Variants in MCC observed in about 807,000 individuals in gnomAD.
MCC encodes the protein MCC regulator of Wnt signaling pathway.
MCC carries 90 observed loss-of-function variants against 116.2 expected under a neutral mutation model. The observed-to-expected ratio is 0.77, with a 90% CI of 0.65 to 0.92. The LOEUF is 0.92. MCC is among the 40% of genes least tolerant of loss of function. The pLI is 0.00. For synonymous variants in MCC, 578 were observed against 510.5 expected, an observed-to-expected ratio of 1.13 and a Z score of -1.78; for missense variants, 1,516 against 1,312.2, an observed-to-expected ratio of 1.16 and a Z score of -2.40.
At chr5:113,318,118 T>A (rs1417432624) in intron 3 of MCC, among the ~76,000 whole-genome samples, 1 of 152,184 alleles carries the variant, frequency 6.6e-6, no homozygotes, top group African/African-American at 2.4e-5. Context: ...TATAACTAAG[T>A]CTTGAAGAGT....
rs371621609 is a variant in MCC at position 113,434,276 on chromosome 5, C to T, written c.171-49064G>A. 1 of 1,614,044 alleles carries T rather than the reference C, an allele frequency of 6.2e-7. No individual in the cohort carries two copies. The highest frequency in any genetic ancestry group is 1.3e-5 in the African/African-American group (1 of 74,908). On this transcript the variant is annotated intron_variant, in intron 1 of 18. Transcript: ENST00000408903. The surrounding 1 kb of genome is among the most constrained non-coding windows in gnomAD (Gnocchi z 4.2). ...ACACCTTGGGCTGGTAGGGAATGCC[C>T]TGCAGCACCTCTGGGGCCGCATACG...
chr5:113,059,976 A>T (rs1159345651), intron 14 of MCC, among the ~76,000 whole-genome samples: 1 of 152,182 alleles, frequency 6.6e-6, no homozygotes, highest in Non-Finnish European at 1.5e-5. Flanking sequence ...CAGCCTGCTC[A>T]TTAGAAGAAA....
intron 3 of MCC, among the ~76,000 whole-genome samples, chr5:113,273,635 T>C (rs1256657760): frequency 6.6e-6 from 1 of 152,132 alleles, no homozygotes; most frequent in African/African-American, 2.4e-5. Context: ...AGAGACTAAA[T>C]GCAATACAAC....
At chr5:113,472,301 T>C (rs1772116779) in intron 1 of MCC, among the ~76,000 whole-genome samples, 1 of 152,186 alleles carries the variant, frequency 6.6e-6, no homozygotes, top group South Asian at 2.1e-4. Flanking sequence ...GGCCATCTTC[T>C]GTGTGGCCAT....
At chr5:113,197,042 C>T (rs1234088830) in intron 3 of MCC, among the ~76,000 whole-genome samples, 1 of 152,164 alleles carries the variant, frequency 6.6e-6, no homozygotes, top group East Asian at 1.9e-4. Flanking sequence ...AAGATGTATA[C>T]ATGGAAATCT....
chr5:113,233,606 T>C (rs1764018866), intron 3 of MCC, among the ~76,000 whole-genome samples: 2 of 152,198 alleles, frequency 1.3e-5, no homozygotes, highest in South Asian at 4.1e-4. Context: ...TGATACTAAC[T>C]GGCACATATG....
chr5:113,467,108 CA>C (rs1247391344), intron 1 of MCC, among the ~76,000 whole-genome samples: 1 of 150,470 alleles, frequency 6.6e-6, no homozygotes, highest in Admixed American at 6.6e-5. Context: ...GAGTAGGTTG[CA>C]AAAATTTTCT....
intron 2 of MCC, among the ~76,000 whole-genome samples, chr5:113,357,054 G>T (rs1313940576): frequency 2.6e-5 from 4 of 152,138 alleles, no homozygotes; most frequent in Non-Finnish European, 5.9e-5. Context: ...TTAGTATCAG[G>T]TTTAAAGACA....
At chr5:113,088,160 C>A (rs1197745907) in intron 8 of MCC, among the ~76,000 whole-genome samples, 1 of 151,994 alleles carries the variant, frequency 6.6e-6, no homozygotes, top group African/African-American at 2.4e-5. Flanking sequence ...TAGTTGCTAG[C>A]CAGTGGAAAC....
intron 10 of MCC, among the ~76,000 whole-genome samples, chr5:113,083,725 A>G (rs1168396605): frequency 6.6e-6 from 1 of 152,188 alleles, no homozygotes; most frequent in Non-Finnish European, 1.5e-5. Context: ...TGGAAAGCAC[A>G]TCCCCTTTCA....
chr5:113,140,266 G>T (rs1393572884), intron 5 of MCC, among the ~76,000 whole-genome samples: 1 of 152,158 alleles, frequency 6.6e-6, no homozygotes, highest in Non-Finnish European at 1.5e-5. Flanking sequence ...GGATGAAATA[G>T]TTACAGAGTC....
At chr5:113,030,281 G>A (rs1750863773) in intron 17 of MCC, among the ~76,000 whole-genome samples, 1 of 152,140 alleles carries the variant, frequency 6.6e-6, no homozygotes, top group Non-Finnish European at 1.5e-5. Flanking sequence ...GATTCACTTA[G>A]GCATTGGTTA....
At chr5:113,432,348 A>AG (rs1770684099) in intron 1 of MCC, among the ~76,000 whole-genome samples, 1 of 151,154 alleles carries the variant, frequency 6.6e-6, no homozygotes, top group Non-Finnish European at 1.5e-5. Flanking sequence ...AAAAAAGAAA[A>AG]GAAAAAAAAA....
intron 3 of MCC, among the ~76,000 whole-genome samples, chr5:113,240,890 G>C (rs1396093296): frequency 6.6e-6 from 1 of 152,140 alleles, no homozygotes; most frequent in African/African-American, 2.4e-5. Flanking sequence ...CTGGGTACTA[G>C]GCGAGGAAGT....
At chr5:113,338,903 T>C (rs1767935423) in intron 3 of MCC, among the ~76,000 whole-genome samples, 1 of 152,232 alleles carries the variant, frequency 6.6e-6, no homozygotes, top group South Asian at 2.1e-4. Flanking sequence ...TTACAGATTT[T>C]ATGAGACATT....
At chr5:113,106,072 A>T (rs186816746) in intron 6 of MCC, among the ~76,000 whole-genome samples, 1 of 152,244 alleles carries the variant, frequency 6.6e-6, no homozygotes, top group East Asian at 1.9e-4. Context: ...AGTGAGAACC[A>T]CTGATCTGAT....
chr5:113,183,719 G>C (rs113933085), intron 3 of MCC, among the ~76,000 whole-genome samples: 1,997 of 152,252 alleles, frequency 0.013, 27 homozygotes, highest in Middle Eastern at 0.037. Flanking sequence ...AGAGCACCAG[G>C]GGCAAATGGG....
intron 5 of MCC, among the ~76,000 whole-genome samples, chr5:113,132,301 A>G (rs1758478141): frequency 6.6e-6 from 1 of 151,128 alleles, no homozygotes; most frequent in Non-Finnish European, 1.5e-5. Context: ...TTTCACCAGT[A>G]CCAACTCACC....
chr5:113,332,300 G>T (rs750181484), intron 3 of MCC, among the ~76,000 whole-genome samples: 1 of 151,362 alleles, frequency 6.6e-6, no homozygotes, highest in Non-Finnish European at 1.5e-5. Flanking sequence ...CACCTCAGCC[G>T]CCCAAGCAGT....
Sources: allele counts gnomAD v4.1 joint callset (sites outside exome capture counted in the v4.1 genomes callset), GRCh38; gene constraint gnomAD v4.1.1; non-coding constraint Gnocchi (gnomAD v3.1); transcripts MANE v1.5; gene names NCBI Gene and HGNC (gene_info 2026-07-23, HGNC 2026-07-21).